NIPBL: variants seen among roughly 807,000 people sequenced by gnomAD.
NIPBL encodes NIPBL cohesin loading factor, also known as nipped-B-like protein.
Under a neutral mutation model 321.8 loss-of-function variants are expected in NIPBL, and 19 were observed. The observed-to-expected ratio is 0.06, with a 90% CI of 0.04 to 0.09. NIPBL has a LOEUF of 0.09. Ranked by LOEUF, NIPBL falls within the 10% of genes least tolerant of loss-of-function variation. The probability of loss-of-function intolerance (pLI) is 1.00; values close to 1 mark genes in which losing one functional copy is unlikely to be tolerated. For synonymous variants in NIPBL, 1,106 were observed against 1,114.1 expected (o/e 0.99, Z 0.14); for missense variants, 2,210 against 3,327.0 (o/e 0.66, Z 8.26).
intron 1 of NIPBL, among the ~76,000 whole-genome samples, chr5:36,880,864 G>A (rs1745450844): frequency 1.3e-5 from 2 of 152,004 alleles, no homozygotes; most frequent in South Asian, 4.1e-4. Context: ...TCCGTTTAAT[G>A]ATGAAATACT....
At chr5:36,884,288 A>C (rs992283723) in intron 1 of NIPBL, among the ~76,000 whole-genome samples, 24 of 152,124 alleles carry the variant, frequency 1.6e-4, no homozygotes, top group African/African-American at 5.8e-4. Context: ...TCCCTGATGA[A>C]ACCCAGAGCA....
intron 6 of NIPBL, among the ~76,000 whole-genome samples, chr5:36,964,057 T>G (rs1470705732): frequency 1.3e-5 from 2 of 152,234 alleles, no homozygotes; most frequent in East Asian, 3.9e-4. Context: ...TTAATGTAGT[T>G]TGAGGACCTA....
chr5:36,922,497 T>C (rs1014660270), intron 1 of NIPBL, among the ~76,000 whole-genome samples: 2 of 152,096 alleles, frequency 1.3e-5, no homozygotes, highest in African/African-American at 4.8e-5. Context: ...TTTTGGCCAT[T>C]GTCGAGTATT....
chr5:36,912,588 G>A (rs1032362647), intron 1 of NIPBL, among the ~76,000 whole-genome samples: 2 of 149,488 alleles, frequency 1.3e-5, no homozygotes, highest in South Asian at 2.1e-4. Context: ...TGCAAGCTCC[G>A]CCTCCCGGAT....
intron 25 of NIPBL, 78 bp from the exon 26 acceptor site, chr5:37,020,381 G>A: frequency 1.0e-6 from 1 of 955,404 alleles, no homozygotes; most frequent in South Asian, 1.4e-5. Flanking sequence ...TTCCTGTAAT[G>A]TGAGCACTCT....
At chr5:36,893,260 ATAAT>A (rs1042461140) in intron 1 of NIPBL, among the ~76,000 whole-genome samples, 7 of 152,336 alleles carry the variant, frequency 4.6e-5, no homozygotes, top group African/African-American at 1.7e-4. Context: ...CTTTACAAAT[ATAAT>A]TAAAGGGATG....
chr5:36,961,994 A>G (rs1299734470), intron 5 of NIPBL, 129 bp from the exon 6 acceptor site: 4 of 1,041,862 alleles, frequency 3.8e-6, no homozygotes. Context: ...ATTTTGCAAG[A>G]TTCTTCTGTT....
chr5:36,906,156 G>A (rs1747619103), intron 1 of NIPBL, among the ~76,000 whole-genome samples: 1 of 152,130 alleles, frequency 6.6e-6, no homozygotes, highest in Admixed American at 6.5e-5. Flanking sequence ...ATCAGTGGAT[G>A]AGAACAACCC....
chr5:37,062,312 T>C (rs1754802997), intron 45 of NIPBL, among the ~76,000 whole-genome samples: 1 of 152,266 alleles, frequency 6.6e-6, no homozygotes, highest in African/African-American at 2.4e-5. Context: ...CGTGTTTGGC[T>C]ATTCTGTTCC....
At chr5:36,892,006 G>A (rs1324508995) in intron 1 of NIPBL, among the ~76,000 whole-genome samples, 4 of 152,152 alleles carry the variant, frequency 2.6e-5, no homozygotes, top group Non-Finnish European at 5.9e-5. Context: ...TTGGCTGCCT[G>A]TGAGTAAAAA....
intron 1 of NIPBL, among the ~76,000 whole-genome samples, chr5:36,916,696 C>T (rs1289847740): frequency 6.6e-6 from 1 of 152,030 alleles, no homozygotes; most frequent in Non-Finnish European, 1.5e-5. Flanking sequence ...TTCCCCTTCC[C>T]GTGTCCAAGG....
intron 6 of NIPBL, among the ~76,000 whole-genome samples, chr5:36,962,786 A>G (rs1020436370): frequency 1.3e-5 from 2 of 152,202 alleles, no homozygotes; most frequent in Admixed American, 6.5e-5. Flanking sequence ...AACTGTTTAC[A>G]TAGCACTTAC....
At chr5:36,949,464 A>T (rs1396017878) in intron 1 of NIPBL, among the ~76,000 whole-genome samples, 1 of 151,902 alleles carries the variant, frequency 6.6e-6, no homozygotes, top group Non-Finnish European at 1.5e-5. Flanking sequence ...CATCAAATAG[A>T]ACTGTAATAT....
intron 1 of NIPBL, among the ~76,000 whole-genome samples, chr5:36,943,475 A>G (rs1213460813): frequency 6.6e-6 from 1 of 152,180 alleles, no homozygotes; most frequent in Non-Finnish European, 1.5e-5. Context: ...CATAGATTGA[A>G]TGCTATATCT....
chr5:37,001,998 A>T (rs1746864290), intron 14 of NIPBL, among the ~76,000 whole-genome samples: 2 of 152,146 alleles, frequency 1.3e-5, no homozygotes, highest in African/African-American at 4.8e-5. Flanking sequence ...CTTCTGTATC[A>T]TTTAGGGTCC....
chr5:37,027,689 G>A (rs553505313), intron 32 of NIPBL, among the ~76,000 whole-genome samples: 5 of 136,912 alleles, frequency 3.7e-5, no homozygotes, highest in Admixed American at 1.8e-4. Context: ...CACAATCTTG[G>A]TTCACTTCAA....
intron 1 of NIPBL, among the ~76,000 whole-genome samples, chr5:36,901,942 A>G (rs13176635): frequency 0.11 from 16,118 of 152,106 alleles, 1,130 homozygotes; most frequent in Admixed American, 0.19. Flanking sequence ...TTTTTAGAAT[A>G]GCCATTCTGA....
chr5:36,984,625 G>C (rs762666581), intron 9 of NIPBL, 51 bp from the exon 10 acceptor site: 4 of 1,511,082 alleles, frequency 2.6e-6, no homozygotes, highest in East Asian at 4.5e-5. Flanking sequence ...TTTTTAATAA[G>C]ATAAGAATAC....
intron 1 of NIPBL, among the ~76,000 whole-genome samples, chr5:36,935,421 C>G (rs1233168771): frequency 6.6e-6 from 1 of 152,120 alleles, no homozygotes; most frequent in African/African-American, 2.4e-5. Flanking sequence ...TGGGTCTTCT[C>G]TAAGTCACCA....
Sources: allele counts gnomAD v4.1 joint callset (sites outside exome capture counted in the v4.1 genomes callset), GRCh38; gene constraint gnomAD v4.1.1; transcripts MANE v1.5; gene names NCBI Gene and HGNC (gene_info 2026-07-23, HGNC 2026-07-21).